The following CPT1C variants were observed in gnomAD, a reference collection of about 807,000 sequenced individuals.
The protein encoded by CPT1C is palmitoyl thioesterase CPT1C.
A neutral mutation model predicts 97.3 loss-of-function variants in CPT1C; 61 were observed. That is an observed-to-expected ratio of 0.63 (90% CI 0.51 to 0.78). The LOEUF (loss-of-function observed/expected upper bound fraction) is 0.78. Among genes scored for constraint, CPT1C ranks in the 30% least tolerant of loss-of-function variants. CPT1C has a pLI of 0.00. For missense variants in CPT1C, 975 were observed against 1,065.5 expected (o/e 0.92, Z 1.18); for synonymous variants, 469 against 447.2 (o/e 1.05, Z -0.61).
intron 2 of CPT1C, 140 bp from the exon 3 acceptor site, chr19:49,692,099 C>G: frequency 1.3e-6 from 1 of 740,990 alleles, no homozygotes; most frequent in East Asian, 2.9e-5. Context: ...GGGCTGGGGG[C>G]CTGGACTCCT....
chr19:49,700,143 A>T (rs1243262790), intron 4 of CPT1C, among the ~76,000 whole-genome samples: 1 of 151,090 alleles, frequency 6.6e-6, no homozygotes. Flanking sequence ...GCTACTCCGG[A>T]GGCTGAGGCA....
At chr19:49,696,886 C>T (rs2082706729) in intron 3 of CPT1C, among the ~76,000 whole-genome samples, 1 of 152,146 alleles carries the variant, frequency 6.6e-6, no homozygotes, top group Admixed American at 6.6e-5. Context: ...CCTGCCTCAG[C>T]CTCCCAAAGT....
In CPT1C at chr19:49,706,344, C is replaced by T. The variant is rs1419854239; in HGVS notation, c.1274C>T (p.Thr425Ile). The T allele has an allele frequency of 6.6e-7, 1 of 1,519,606 alleles. No individual in the cohort carries two copies. Among genetic ancestry groups the T allele is most frequent in the South Asian group, 1.3e-5 (1 of 78,172 alleles). 94.1% of individuals were successfully genotyped at this position (1,519,606 alleles called of 1,614,324 possible). A position where few individuals can be genotyped will look rare whatever the true frequency, so the allele number is the denominator to read the frequency against. The change falls in exon 12 of 20, where the codon ACC becomes ATC. Residue 425 changes from threonine (T) to isoleucine (I), a missense_variant. Thr to Ile is a moderately conservative substitution (Grantham distance 89, BLOSUM62 -1). Around this residue, in one of 3 missense-constraint regions of CPT1C, gnomAD observed 596 missense variants for 603.1 expected, o/e 0.99. Coordinates refer to ENST00000598293, the MANE Select transcript of CPT1C (RefSeq NM_001199753.2). This position sits in a 1 kb window ranked among gnomAD's most constrained non-coding sequence, Gnocchi z 4.8. Reference protein sequence around the residue: ...VSLDAEPAGLTREDPAASLDA... With the variant: ...VSLDAEPAGLIREDPAASLDA... The stretch of plus-strand genomic sequence containing the variant: ...CTGGATGCTGAGCCCGCGGGGCTCA[C>T]CAGGGAGGACCCGGCAGCGTCGTTG...
chr19:49,712,613 T>G, intron 17 of CPT1C, 123 bp from the exon 18 acceptor site: 1 of 703,536 alleles, frequency 1.4e-6, no homozygotes. Flanking sequence ...AAGGGCGTGG[T>G]TAGGGAGAAG....
chr19:49,698,330 A>T (rs1460191490), intron 4 of CPT1C, among the ~76,000 whole-genome samples: 1 of 151,948 alleles, frequency 6.6e-6, no homozygotes, highest in South Asian at 2.1e-4. Context: ...ATGCCACTGC[A>T]TTGCAGCCTG....
intron 7 of CPT1C, among the ~76,000 whole-genome samples, chr19:49,701,913 T>TATATAA (rs2083101757): frequency 1.7e-5 from 2 of 114,686 alleles, no homozygotes; most frequent in South Asian, 2.3e-4. Flanking sequence ...TATATATTTA[T>TATATAA]ATTTATATAC....
chr19:49,710,530 C>T lies in CPT1C; in HGVS notation c.1731+46C>T, dbSNP rs779349284. Reference sequence around the variant, plus strand: ...ACAGCCCCCGCAGGGTCTCAGTCCACCTGAGCCCCCAAGACCTGCCCCTCC... The same window carrying T: ...ACAGCCCCCGCAGGGTCTCAGTCCATCTGAGCCCCCAAGACCTGCCCCTCC... On this transcript the variant is annotated intron_variant, in intron 15 of 19. Coordinates refer to ENST00000598293, the MANE Select transcript of CPT1C (RefSeq NM_001199753.2). 36 of 1,607,826 alleles carry T rather than the reference C, an allele frequency of 2.2e-5. No individual in the cohort carries two copies. The African/African-American group carries it at 4.4e-4, about 20-fold the overall frequency.
At chr19:49,694,237 G>A (rs1259246264) in intron 3 of CPT1C, among the ~76,000 whole-genome samples, 1 of 152,050 alleles carries the variant, frequency 6.6e-6, no homozygotes, top group African/African-American at 2.4e-5. Flanking sequence ...TATAGGGTAT[G>A]GTGACATTCT....
intron 7 of CPT1C, among the ~76,000 whole-genome samples, chr19:49,701,930 T>A (rs1277214529): frequency 2.1e-5 from 2 of 93,592 alleles, no homozygotes; most frequent in South Asian, 2.7e-4. Context: ...ATACAAATAT[T>A]AATATTTATA....
In CPT1C at chr19:49,699,350, G is replaced by A. The variant is rs116122545; in HGVS notation, c.282-1334G>A. 5.5e-3 allele frequency among the ~76,000 whole-genome samples: 820 copies of A among 149,650 alleles called. 7 individuals are homozygous for A. The highest frequency in any genetic ancestry group is 0.019 in the African/African-American group (776 of 40,766). On this transcript the variant is annotated intron_variant, in intron 4 of 19. Coordinates refer to ENST00000598293, the MANE Select transcript of CPT1C (RefSeq NM_001199753.2). ...TGTAGACAATTCCAAGACGGAGGCCGGGCACAGTGGCTCACACTTGTAATC... is the reference window on the plus strand; with the variant it reads ...TGTAGACAATTCCAAGACGGAGGCCAGGCACAGTGGCTCACACTTGTAATC...
rs953821911 is a variant in CPT1C at position 49,704,795 on chromosome 19, G to T, written c.771+8G>T. The T allele has an allele frequency of 6.2e-7, 1 of 1,613,656 alleles. No homozygotes were observed. Among genetic ancestry groups the T allele is most frequent in the Non-Finnish European group, 8.5e-7 (1 of 1,179,560 alleles). On this transcript the variant is annotated splice_region_variant and intron_variant, in intron 8 of 19. Transcript: ENST00000598293. ...AGCAACTATTACATGATGGTGAGAA[G>T]GGGAGGGGTGAGGTTCATAGGCCCC...
At chr19:49,692,688 T>C (rs921293415) in intron 3 of CPT1C, among the ~76,000 whole-genome samples, 1 of 152,216 alleles carries the variant, frequency 6.6e-6, no homozygotes, top group Non-Finnish European at 1.5e-5. Flanking sequence ...CCTTCCCTTA[T>C]GGTGAAATTA....
rs749799725 is a variant in CPT1C at position 49,706,100 on chromosome 19, C to G, written c.1156C>G (p.Pro386Ala). Residue 386 changes from proline to alanine, a missense_variant, in exon 11 of 20, where the codon CCC (proline) becomes GCC (alanine). By Grantham distance (27) the Pro-to-Ala change is conservative. Coordinates refer to ENST00000598293, the MANE Select transcript of CPT1C (RefSeq NM_001199753.2). The surrounding 1 kb of genome is among the most constrained non-coding windows in gnomAD (Gnocchi z 4.8). ...EEHLAALTAA[P>A]RGTWAQVRTS... ...ACATCTGGCAGCTCTGACAGCTGCTCCCAGGTAAGGGTCAGGGGTCAGGGG... is the reference window on the plus strand; with the variant it reads ...ACATCTGGCAGCTCTGACAGCTGCTGCCAGGTAAGGGTCAGGGGTCAGGGG... 4 of 1,612,690 alleles carry G rather than the reference C, an allele frequency of 2.5e-6. No homozygotes were observed. The African/African-American group carries it at 5.3e-5, about 22-fold the overall frequency.
At chr19:49,712,597 CAGG>C (rs1222998384) in intron 17 of CPT1C, 136 bp from the exon 18 acceptor site, 26 of 655,272 alleles carry the variant, frequency 4.0e-5, no homozygotes, top group South Asian at 2.5e-4. Context: ...AGGGCGTGGT[CAGG>C]AGAAGGGCGT....
At chr19:49,707,403 C>T (rs2083565461) in intron 12 of CPT1C, 115 bp from the exon 13 acceptor site, 5 of 743,710 alleles carry the variant, frequency 6.7e-6, no homozygotes, top group South Asian at 1.5e-5. Flanking sequence ...CATACCAGCA[C>T]CCCAATGGAT....
At chr19:49,702,687 G>A (rs1034053356) in intron 7 of CPT1C, among the ~76,000 whole-genome samples, 1 of 151,944 alleles carries the variant, frequency 6.6e-6, no homozygotes, top group East Asian at 1.9e-4. Context: ...GGAGTGGTGG[G>A]AGAGGCCTGA....
rs191728342 is a variant in CPT1C at position 49,692,022 on chromosome 19, G to A, written c.-15+133G>A. 3,898 of 516,382 alleles carry A rather than the reference G, an allele frequency of 7.5e-3. 125 individuals carry two copies. Among genetic ancestry groups the A allele is most frequent in the African/African-American group, 0.068 (3,403 of 50,356 alleles). The allele number at this position is 516,382 out of a possible 1,614,324, so 32.0% of individuals were successfully genotyped here. A position where few individuals can be genotyped will look rare whatever the true frequency, so the allele number is the denominator to read the frequency against. On this transcript the variant is annotated intron_variant, in intron 2 of 19. Coordinates refer to ENST00000598293, the MANE Select transcript of CPT1C (RefSeq NM_001199753.2). ...TCTGGGTCTGAGGGAGGAGGGGCTG[G>A]GGGCCTGGACTCCTGGATCTGAGAG...
At chr19:49,702,101 T>TATAAATATATATTTATTTATAA in intron 7 of CPT1C, among the ~76,000 whole-genome samples, 1 of 86,426 alleles carries the variant, frequency 1.2e-5, no homozygotes, top group Non-Finnish European at 2.0e-5. Context: ...ATTTATAAAT[T>TATAAATATATATTTATTTATAA]ATAAATATAT....
chr19:49,711,517 T>G (rs1332085168), intron 16 of CPT1C: 7 of 432,212 alleles, frequency 1.6e-5, no homozygotes, highest in Non-Finnish European at 2.5e-5. Flanking sequence ...CCTGCACCTC[T>G]TCTCCCTTGC....
Sources: gnomAD v4.1 joint callset for allele counts (sites outside exome capture counted in the v4.1 genomes callset) on GRCh38, gnomAD v4.1.1 for gene constraint, gnomAD v4.1.1 regional missense constraint, Gnocchi (gnomAD v3.1) non-coding constraint, MANE v1.5 for transcripts, NCBI Gene and HGNC (gene_info 2026-07-23, HGNC 2026-07-21) for gene names.